SAP130: variants seen among roughly 807,000 people sequenced by gnomAD.
The protein encoded by SAP130 is Sin3A associated protein 130, also known as histone deacetylase complex subunit SAP130.
In SAP130, 16 loss-of-function variants were observed where a neutral mutation model predicts 103.2. That is an observed-to-expected ratio of 0.16 (90% confidence interval 0.10 to 0.24). The LOEUF is 0.24. SAP130 is among the 10% of genes least tolerant of loss of function. The pLI is 1.00. For synonymous variants in SAP130, 477 were observed against 497.0 expected, an observed-to-expected ratio of 0.96 and a Z score of 0.53; for missense variants, 990 against 1,359.7, an observed-to-expected ratio of 0.73 and a Z score of 4.28.
chr2:127,947,764 C>CTGTGTGTGTGTGTGAGTGTGTGTGTG (rs1553500426), intron 18 of SAP130, among the ~76,000 whole-genome samples: 1 of 143,312 alleles, frequency 7.0e-6, no homozygotes, highest in African/African-American at 2.6e-5. Flanking sequence ...TTGTGTGTGT[C>CTGTGTGTGTGTGTGAGTGTGTGTGTG]TGTGTGTGTG....
rs542168088 is a variant in SAP130, at chr2:127,989,925, T to C, written c.1478-59A>G. 4.7e-6 allele frequency: 7 copies of C among 1,493,892 alleles called. No individual in the cohort carries two copies. In the African/African-American group the frequency reaches 5.6e-5, roughly 12 times the overall value. 92.5% of individuals were successfully genotyped at this position (1,493,892 alleles called of 1,614,324 possible). ...TTAGCTTCATTTCACACAGTCCACATAAAGAGAGAAACACTAAAAACGGAT... is the reference window on the plus strand; with the variant it reads ...TTAGCTTCATTTCACACAGTCCACACAAAGAGAGAAACACTAAAAACGGAT... On this transcript the variant is annotated intron_variant, in intron 12 of 20. Coordinates refer to ENST00000643581, the MANE Select transcript of SAP130 (RefSeq NM_001330301.2). This position sits in a 1 kb window ranked among gnomAD's most constrained non-coding sequence, Gnocchi z 4.6.
rs1010294688 is a variant in SAP130, at chr2:127,953,610, C to T, written c.2422+1376G>A. 3.3e-5 allele frequency among the ~76,000 whole-genome samples: 5 copies of T among 152,180 alleles called. No homozygotes were observed. The South Asian group carries it at 6.2e-4, about 19-fold the overall frequency. On this transcript the variant is annotated intron_variant, in intron 16 of 20. Transcript: ENST00000643581. This position sits in a 1 kb window ranked among gnomAD's most constrained non-coding sequence, Gnocchi z 4.0. ...CACTCCCCTTATTACTTAGCTCCAGCGACCTTTGGTTCTTTGCTATATTTT... is the reference window on the plus strand; with the variant it reads ...CACTCCCCTTATTACTTAGCTCCAGTGACCTTTGGTTCTTTGCTATATTTT...
At chr2:127,944,329 C>A (rs1323475505) in intron 19 of SAP130, among the ~76,000 whole-genome samples, 3 of 152,228 alleles carry the variant, frequency 2.0e-5, no homozygotes, top group South Asian at 4.2e-4. Flanking sequence ...AGCCACTGAA[C>A]CTGGCCCCTT....
intron 10 of SAP130, among the ~76,000 whole-genome samples, chr2:127,998,890 G>A (rs368145821): frequency 1.3e-5 from 2 of 152,234 alleles, no homozygotes; most frequent in Non-Finnish European, 2.9e-5. Flanking sequence ...TGGCTCTGCC[G>A]TGATAGCACT....
rs558771615 is a variant in SAP130 at position 127,953,910 on chromosome 2, C to T, written c.2422+1076G>A. Among the ~76,000 whole-genome samples, 4 of 151,852 alleles carry T rather than the reference C, an allele frequency of 2.6e-5. No individual in the cohort carries two copies. Among genetic ancestry groups the T allele is most frequent in the Non-Finnish European group, 4.4e-5 (3 of 68,018 alleles). ...TACATACATACATATATAATTTAGT[C>T]ATCTTTTTGCTTTTGTCTCCCTTGC... On this transcript the variant is annotated intron_variant, in intron 16 of 20. Transcript: ENST00000643581. This position sits in a 1 kb window ranked among gnomAD's most constrained non-coding sequence, Gnocchi z 4.0.
chr2:127,986,038 G>GT lies in SAP130; in HGVS notation c.1958+746_1958+747insA, dbSNP rs1682362087. Among the ~76,000 whole-genome samples, 2 of 152,124 alleles carry GT rather than the reference G, an allele frequency of 1.3e-5. No individual in the cohort carries two copies. Among genetic ancestry groups the GT allele is most frequent in the Non-Finnish European group, 2.9e-5 (2 of 68,034 alleles). ...TCCCTTCTGGCTTCCCCCATCTGCT[G>GT]AGAGCTACTTCTACTCAGTAAAACC... On this transcript the variant is annotated intron_variant, in intron 14 of 20. Transcript: ENST00000643581. The surrounding 1 kb of genome is among the most constrained non-coding windows in gnomAD (Gnocchi z 4.7).
chr2:128,016,892 A>G (rs1014135309), intron 3 of SAP130, among the ~76,000 whole-genome samples: 4 of 152,242 alleles, frequency 2.6e-5, no homozygotes, highest in Non-Finnish European at 5.9e-5. Flanking sequence ...CAAAACTCCC[A>G]GTAACTGAAA....
chr2:127,991,606 A>G (rs1004019712), intron 12 of SAP130, among the ~76,000 whole-genome samples: 3 of 152,156 alleles, frequency 2.0e-5, no homozygotes, highest in African/African-American at 7.2e-5. Context: ...TGCTAGGGTT[A>G]TAGGCATGAG....
chr2:128,002,610 C>T (rs2105104009), intron 7 of SAP130, among the ~76,000 whole-genome samples: 1 of 152,134 alleles, frequency 6.6e-6, no homozygotes, highest in South Asian at 2.1e-4. Context: ...CCTCTGTCCC[C>T]AGAAAGAGCC....
chr2:128,026,960 G>T (rs1685543355), intron 1 of SAP130: 2 of 854,230 alleles, frequency 2.3e-6, no homozygotes, highest in African/African-American at 1.8e-5. Context: ...CCACCCCACC[G>T]CGAAGCCCCC....
intron 2 of SAP130, 128 bp downstream of exon 2, chr2:128,026,053 T>C (rs1029438473): frequency 4.4e-6 from 3 of 681,172 alleles, no homozygotes; most frequent in Admixed American, 2.5e-5. Flanking sequence ...AATAGTAATA[T>C]ACCCTTTCTT....
intron 14 of SAP130, among the ~76,000 whole-genome samples, chr2:127,981,435 A>ACC (rs57963778): frequency 4.2e-5 from 2 of 47,528 alleles, no homozygotes; most frequent in African/African-American, 8.5e-5. Context: ...GTCCTCCTGC[A>ACC]CCCGACTCAG....
At chr2:127,998,174 C>T (rs1360294728) in intron 10 of SAP130, among the ~76,000 whole-genome samples, 1 of 151,914 alleles carries the variant, frequency 6.6e-6, no homozygotes, top group South Asian at 2.1e-4. Context: ...AACTATATAG[C>T]ACAGAAAACA....
chr2:127,991,156 A>G (rs1682769178), intron 12 of SAP130, among the ~76,000 whole-genome samples: 1 of 152,008 alleles, frequency 6.6e-6, no homozygotes, highest in Non-Finnish European at 1.5e-5. Flanking sequence ...ACAGTGAAGC[A>G]GGAGAATCAC....
chr2:128,004,523 G>C (rs1016723337), intron 7 of SAP130, among the ~76,000 whole-genome samples: 1 of 151,866 alleles, frequency 6.6e-6, no homozygotes, highest in Non-Finnish European at 1.5e-5. Flanking sequence ...GAGAATTTCT[G>C]GGGCTATAAT....
Position 128,016,524 on chromosome 2 carries a change from A to G in SAP130, c.372T>C (p.Pro124=), listed in dbSNP as rs773876002. 1 of 1,613,278 alleles carries G rather than the reference A, an allele frequency of 6.2e-7. No homozygotes were observed. Among genetic ancestry groups the G allele is most frequent in the Non-Finnish European group, 8.5e-7 (1 of 1,179,606 alleles). ...LMKPPPKPTM[P]SRPIAPAPPS... ...GTGGAGCAGGAGCAATGGGACGGCT[A>G]GGCATGGTGGGCTTCGGGGGCGGCT... The change falls in exon 4 of 21, where the codon CCT becomes CCC. Residue 124 remains proline, a synonymous_variant. Coordinates refer to ENST00000643581, the MANE Select transcript of SAP130 (RefSeq NM_001330301.2).
At chr2:127,973,428 C>A (rs1443205494) in intron 15 of SAP130, among the ~76,000 whole-genome samples, 1 of 152,174 alleles carries the variant, frequency 6.6e-6, no homozygotes, top group Admixed American at 6.6e-5. Context: ...GAGGGGGTTT[C>A]TCCATGTTGG....
intron 6 of SAP130, among the ~76,000 whole-genome samples, chr2:128,011,081 A>G (rs969978134): frequency 6.6e-6 from 1 of 152,084 alleles, no homozygotes; most frequent in African/African-American, 2.4e-5. Context: ...GAGTTGCCAC[A>G]GGTCTGTTGT....
intron 10 of SAP130, among the ~76,000 whole-genome samples, chr2:127,998,349 T>G (rs1184617534): frequency 6.6e-6 from 1 of 152,180 alleles, no homozygotes; most frequent in Admixed American, 6.5e-5. Context: ...ACCTTATACT[T>G]GTGATTTATT....
Sources: allele counts gnomAD v4.1 joint callset (sites outside exome capture counted in the v4.1 genomes callset), GRCh38; gene constraint gnomAD v4.1.1; non-coding constraint Gnocchi (gnomAD v3.1); transcripts MANE v1.5; gene names NCBI Gene and HGNC (gene_info 2026-07-23, HGNC 2026-07-21).